The following CSMD3 variants were observed in gnomAD, a reference collection of about 807,000 sequenced individuals.
CSMD3 encodes CUB and Sushi multiple domains 3, also known as CUB and sushi domain-containing protein 3.
In CSMD3, 177 loss-of-function variants were observed where a neutral mutation model predicts 435.2. The ratio of observed to expected loss-of-function variants is 0.41; its 90% CI spans 0.36 to 0.46. The LOEUF (loss-of-function observed/expected upper bound fraction) is 0.46, where lower values mean the gene tolerates loss of function less well. Among genes scored for constraint, CSMD3 ranks in the 20% least tolerant of loss-of-function variants. The pLI, the probability that CSMD3 is intolerant of heterozygous loss-of-function variation, is 0.34. For synonymous variants in CSMD3, 1,656 were observed against 1,520.5 expected, an observed-to-expected ratio of 1.09 and a Z score of -2.07; for missense variants, 4,265 against 4,504.6, an observed-to-expected ratio of 0.95 and a Z score of 1.52.
At chr8:113,063,366 G>T (rs2088701519) in intron 5 of CSMD3, among the ~76,000 whole-genome samples, 1 of 151,712 alleles carries the variant, frequency 6.6e-6, no homozygotes, top group African/African-American at 2.4e-5. Flanking sequence ...TCACTTCATG[G>T]ATATTTATTT....
At chr8:112,763,821 T>C (rs1031105870) in intron 13 of CSMD3, among the ~76,000 whole-genome samples, 5 of 151,174 alleles carry the variant, frequency 3.3e-5, no homozygotes, top group East Asian at 1.9e-4. Flanking sequence ...AGAATACACA[T>C]TGGGCTCTGG....
chr8:113,068,525 C>G (rs2088961577), intron 5 of CSMD3, among the ~76,000 whole-genome samples: 2 of 152,116 alleles, frequency 1.3e-5, no homozygotes, highest in African/African-American at 4.8e-5. Context: ...GTAAACACAC[C>G]TAGCCCTTAG....
intron 32 of CSMD3, among the ~76,000 whole-genome samples, chr8:112,434,196 A>T (rs572234125): frequency 4.7e-4 from 71 of 152,314 alleles, no homozygotes; most frequent in Non-Finnish European, 8.7e-4. Context: ...CTAACAAAGT[A>T]ACTTTGGACA....
chr8:112,632,310 G>A (rs1297211249), intron 22 of CSMD3, among the ~76,000 whole-genome samples: 5 of 151,984 alleles, frequency 3.3e-5, no homozygotes, highest in African/African-American at 1.2e-4. Context: ...ATAATATGTA[G>A]ATGTGTAATA....
At chr8:113,422,686 A>G (rs997764670) in intron 1 of CSMD3, among the ~76,000 whole-genome samples, 4 of 152,146 alleles carry the variant, frequency 2.6e-5, no homozygotes, top group Non-Finnish European at 5.9e-5. Flanking sequence ...CAAAACAAAC[A>G]AAGAAACAAA....
At chr8:112,516,578 C>T (rs556705387) in intron 28 of CSMD3, among the ~76,000 whole-genome samples, 1 of 152,026 alleles carries the variant, frequency 6.6e-6, no homozygotes, top group South Asian at 2.1e-4. Context: ...CAAATAAAAA[C>T]CAATATTCCT....
At chr8:113,325,146 T>C (rs1411976687) in intron 1 of CSMD3, among the ~76,000 whole-genome samples, 1 of 152,184 alleles carries the variant, frequency 6.6e-6, no homozygotes, top group Non-Finnish European at 1.5e-5. Flanking sequence ...GACTACGGAC[T>C]TCTGAGTTAA....
At chr8:112,653,771 T>C (rs2131646890) in intron 18 of CSMD3, among the ~76,000 whole-genome samples, 1 of 151,786 alleles carries the variant, frequency 6.6e-6, no homozygotes, top group African/African-American at 2.4e-5. Context: ...GTGATTCTCC[T>C]GCCTCAGCCT....
At chr8:112,887,389 G>T (rs567401131) in intron 10 of CSMD3, among the ~76,000 whole-genome samples, 1 of 150,614 alleles carries the variant, frequency 6.6e-6, no homozygotes, top group South Asian at 2.1e-4. Flanking sequence ...GAGTATTAAA[G>T]AAAAAATATT....
chr8:112,281,614 T>C (rs993512590), intron 58 of CSMD3, among the ~76,000 whole-genome samples: 1 of 152,104 alleles, frequency 6.6e-6, no homozygotes, highest in Non-Finnish European at 1.5e-5. Context: ...AAAATAATTA[T>C]TCAAAGAGTA....
At chr8:112,577,416 C>T (rs1208882959) in intron 23 of CSMD3, among the ~76,000 whole-genome samples, 1 of 151,906 alleles carries the variant, frequency 6.6e-6, no homozygotes, top group African/African-American at 2.4e-5. Flanking sequence ...CTGACTAGAG[C>T]CGTAGGACTT....
At chr8:112,548,796 C>A (rs980006302) in intron 27 of CSMD3, among the ~76,000 whole-genome samples, 12 of 151,922 alleles carry the variant, frequency 7.9e-5, no homozygotes, top group Admixed American at 7.9e-4. Flanking sequence ...AATGTAGTAA[C>A]CATCAATGTA....
chr8:112,822,812 T>A (rs1436137414), intron 12 of CSMD3, among the ~76,000 whole-genome samples: 1 of 152,152 alleles, frequency 6.6e-6, no homozygotes, highest in South Asian at 2.1e-4. Flanking sequence ...ATATGTTCCA[T>A]TAATACCTAG....
At chr8:112,452,124 A>G (rs1312762183) in intron 32 of CSMD3, among the ~76,000 whole-genome samples, 1 of 152,172 alleles carries the variant, frequency 6.6e-6, no homozygotes, top group East Asian at 1.9e-4. Flanking sequence ...TTTACAATCT[A>G]TCTCAGACTT....
intron 4 of CSMD3, among the ~76,000 whole-genome samples, chr8:113,115,660 C>T (rs756453332): frequency 3.9e-5 from 6 of 152,264 alleles, no homozygotes; most frequent in South Asian, 2.1e-4. Context: ...GACAGTGGTA[C>T]GTGTCACTAA....
Position 112,685,471 on chromosome 8 carries a change from A to G in CSMD3, c.2417T>C (p.Ile806Thr). 6.2e-7 allele frequency: 1 copy of G among 1,614,080 alleles called. No individual in the cohort carries two copies. Among genetic ancestry groups the G allele is most frequent in the Non-Finnish European group, 8.5e-7 (1 of 1,179,968 alleles). ...VPSHLTSNSH[I>T]LRLEFQADHS... The stretch of plus-strand genomic sequence containing the variant: ...GTCAGCCTGAAATTCCAATCGCAGT[A>G]TGTGACTATTACTAGTAAGATGGGA... The change falls in exon 15 of 71, where the codon ATA becomes ACA. Residue 806 changes from isoleucine (I) to threonine (T), a missense_variant. Ile to Thr is a moderately conservative substitution (Grantham distance 89, BLOSUM62 -1). This residue lies in a region of CSMD3 where 279 missense variants were observed against 369.0 expected (regional missense o/e 0.76). Coordinates refer to ENST00000297405, the MANE Select transcript of CSMD3 (RefSeq NM_198123.2).
chr8:112,449,996 T>A (rs1180036283), intron 32 of CSMD3, among the ~76,000 whole-genome samples: 1 of 152,152 alleles, frequency 6.6e-6, no homozygotes, highest in Non-Finnish European at 1.5e-5. Flanking sequence ...AGTTCTGGGA[T>A]TACAGGCATG....
chr8:113,016,500 T>G lies in CSMD3; in HGVS notation c.1030+2567A>C, dbSNP rs114342904. Among the ~76,000 whole-genome samples, 1,082 of 151,940 alleles carry G rather than the reference T, an allele frequency of 7.1e-3. 11 individuals are homozygous for G. Among genetic ancestry groups the G allele is most frequent in the African/African-American group, 0.025 (1,039 of 41,546 alleles). ...CCCACTAGTAGTTTGCAGTTAATTTTCATGGTATTTAATAAAGGATAGAGA... is the reference window on the plus strand; with the variant it reads ...CCCACTAGTAGTTTGCAGTTAATTTGCATGGTATTTAATAAAGGATAGAGA... On this transcript the variant is annotated intron_variant, in intron 6 of 70. Transcript: ENST00000297405.
intron 13 of CSMD3, among the ~76,000 whole-genome samples, chr8:112,773,269 A>C (rs767718835): frequency 5.3e-5 from 8 of 152,104 alleles, no homozygotes; most frequent in Non-Finnish European, 8.8e-5. Context: ...TGAAAAAGCA[A>C]GTAAAAATGA....
Sources: gnomAD v4.1 joint callset for allele counts (sites outside exome capture counted in the v4.1 genomes callset) on GRCh38, gnomAD v4.1.1 for gene constraint, gnomAD v4.1.1 regional missense constraint, MANE v1.5 for transcripts, NCBI Gene and HGNC (gene_info 2026-07-23, HGNC 2026-07-21) for gene names.